Variants in NBEA observed in about 807,000 individuals in gnomAD.
NBEA encodes neurobeachin, also known as lysosomal-trafficking regulator 2.
Under a neutral mutation model 343.4 loss-of-function variants are expected in NBEA, and 44 were observed. The observed-to-expected ratio is 0.13, with a 90% confidence interval of 0.10 to 0.16. NBEA has a LOEUF of 0.16. NBEA is among the 10% of genes least tolerant of loss of function. The probability of loss-of-function intolerance (pLI) is 1.00; values close to 1 mark genes in which losing one functional copy is unlikely to be tolerated. For missense variants in NBEA, 2,555 were observed against 3,631.3 expected, an observed-to-expected ratio of 0.70 and a Z score of 7.62; for synonymous variants, 1,175 against 1,238.7, an observed-to-expected ratio of 0.95 and a Z score of 1.08.
At chr13:35,109,503 A>T in intron 12 of NBEA, 61 bp downstream of exon 12, 2 of 1,397,826 alleles carry the variant, frequency 1.4e-6, no homozygotes. Context: ...TAGTTGCTGG[A>T]TCTATAGTAT....
intron 1 of NBEA, among the ~76,000 whole-genome samples, chr13:34,981,485 C>T (rs2060353557): frequency 6.6e-6 from 1 of 152,140 alleles, no homozygotes; most frequent in South Asian, 2.1e-4. Flanking sequence ...TTTACATTGC[C>T]ACTGACAATT....
chr13:35,579,277 A>G (rs1423902429), intron 45 of NBEA, among the ~76,000 whole-genome samples: 1 of 152,050 alleles, frequency 6.6e-6, no homozygotes, highest in African/African-American at 2.4e-5. Context: ...ACATTTATTT[A>G]TTTGTATTTG....
chr13:35,002,672 A>G (rs2061181896), intron 1 of NBEA, among the ~76,000 whole-genome samples: 1 of 152,208 alleles, frequency 6.6e-6, no homozygotes, highest in South Asian at 2.1e-4. Context: ...ACTAGGCTCA[A>G]ACACATACTT....
intron 44 of NBEA, among the ~76,000 whole-genome samples, chr13:35,565,662 G>C (rs1453533598): frequency 6.6e-6 from 1 of 152,076 alleles, no homozygotes; most frequent in African/African-American, 2.4e-5. Context: ...GTTTTCTTAG[G>C]ATCCTGTTTC....
rs536860585 is a variant in NBEA at position 35,558,005 on chromosome 13, G to C, written c.6922+2903G>C. Among the ~76,000 whole-genome samples the C allele has an allele frequency of 2.0e-3, 308 of 152,258 alleles. 1 individual carries two copies. Among genetic ancestry groups the C allele is most frequent in the African/African-American group, 6.9e-3 (288 of 41,554 alleles). ...TTTTAGGAGTCAGTATAGTGTTAGAGTAGAAGGGAATGCGATGTGGAGTTT... is the reference window on the plus strand; with the variant it reads ...TTTTAGGAGTCAGTATAGTGTTAGACTAGAAGGGAATGCGATGTGGAGTTT... On this transcript the variant is annotated intron_variant, in intron 44 of 58. Coordinates refer to ENST00000379939, the MANE Select transcript of NBEA (RefSeq NM_001385012.1).
At position 35,160,867 on chromosome 13, in the gene NBEA, A is replaced by G. The variant is rs531708795; in HGVS notation, c.3861+835A>G. Reference sequence around the variant, plus strand: ...TTAAGAGTTGAAGAAATAAGAATACATTTACCGTTAATGACTTGGGTTTTG... The same window carrying G: ...TTAAGAGTTGAAGAAATAAGAATACGTTTACCGTTAATGACTTGGGTTTTG... On this transcript the variant is annotated intron_variant, in intron 22 of 58. Transcript: ENST00000379939. Among the ~76,000 whole-genome samples the G allele has an allele frequency of 2.0e-5, 3 of 152,272 alleles. No homozygotes were observed. The East Asian group carries it at 5.8e-4, about 29-fold the overall frequency.
At chr13:35,289,242 G>T (rs551167017) in intron 34 of NBEA, among the ~76,000 whole-genome samples, 1 of 151,864 alleles carries the variant, frequency 6.6e-6, no homozygotes, top group Admixed American at 6.6e-5. Flanking sequence ...CTGCCTTACT[G>T]TATGATGCTT....
chr13:35,670,762 C>G, intron 58 of NBEA, 139 bp from the exon 59 acceptor site: 1 of 642,718 alleles, frequency 1.6e-6, no homozygotes, highest in Non-Finnish European at 2.7e-6. Flanking sequence ...TCCATGAATA[C>G]AAAATTAAGA....
At chr13:35,635,988 T>C (rs2083675735) in intron 49 of NBEA, among the ~76,000 whole-genome samples, 2 of 152,232 alleles carry the variant, frequency 1.3e-5, no homozygotes, top group African/African-American at 2.4e-5. Context: ...GTGCTAATTA[T>C]TGATTTTCAG....
At chr13:35,091,907 A>G (rs2065100026) in intron 10 of NBEA, among the ~76,000 whole-genome samples, 1 of 152,020 alleles carries the variant, frequency 6.6e-6, no homozygotes. Flanking sequence ...GAATATGTTC[A>G]TTAATGTAGA....
chr13:35,655,093 T>A, intron 54 of NBEA, 83 bp downstream of exon 54: 1 of 1,139,158 alleles, frequency 8.8e-7, no homozygotes, highest in Non-Finnish European at 1.2e-6. Flanking sequence ...ATACTTAATG[T>A]AGGCATTTTT....
intron 33 of NBEA, among the ~76,000 whole-genome samples, chr13:35,230,925 A>G (rs1469908382): frequency 6.6e-6 from 1 of 152,054 alleles, no homozygotes; most frequent in African/African-American, 2.4e-5. Context: ...GTCTGGTTAT[A>G]CAGACTCTCC....
intron 1 of NBEA, among the ~76,000 whole-genome samples, chr13:35,002,913 C>T (rs1350467335): frequency 6.6e-6 from 1 of 152,112 alleles, no homozygotes; most frequent in Non-Finnish European, 1.5e-5. Context: ...TGAGGCAAAA[C>T]TTTGTAGCCC....
chr13:35,563,767 A>G (rs2079998327), intron 44 of NBEA, among the ~76,000 whole-genome samples: 1 of 152,014 alleles, frequency 6.6e-6, no homozygotes, highest in Non-Finnish European at 1.5e-5. Context: ...TGCAGGACAG[A>G]ATAATAGACA....
At chr13:35,103,326 G>C (rs1201461061) in intron 11 of NBEA, among the ~76,000 whole-genome samples, 1 of 151,140 alleles carries the variant, frequency 6.6e-6, no homozygotes, top group Non-Finnish European at 1.5e-5. Flanking sequence ...TTATTTCTCA[G>C]TTCTTATCTT....
intron 26 of NBEA, among the ~76,000 whole-genome samples, chr13:35,172,462 TATATA>T (rs2070541998): frequency 1.3e-5 from 2 of 151,924 alleles, no homozygotes; most frequent in African/African-American, 4.8e-5. Flanking sequence ...GAGATATATA[TATATA>T]TTTTTAAAAT....
At chr13:35,443,358 G>A (rs1016129855) in intron 39 of NBEA, among the ~76,000 whole-genome samples, 2 of 152,000 alleles carry the variant, frequency 1.3e-5, no homozygotes, top group African/African-American at 4.8e-5. Flanking sequence ...GTAAGGAATA[G>A]CATTTTTGAA....
chr13:35,224,375 A>C (rs143888649), intron 33 of NBEA, among the ~76,000 whole-genome samples: 1 of 152,142 alleles, frequency 6.6e-6, no homozygotes, highest in Non-Finnish European at 1.5e-5. Flanking sequence ...GACTCCAATC[A>C]CATTTATATA....
chr13:35,475,399 C>T (rs777268890), intron 41 of NBEA: 1 of 1,613,840 alleles, frequency 6.2e-7, no homozygotes, highest in Non-Finnish European at 8.5e-7. Flanking sequence ...GCACTTCTTT[C>T]TGCAGCCCCC....
Sources: gnomAD v4.1 joint callset for allele counts (sites outside exome capture counted in the v4.1 genomes callset) on GRCh38, gnomAD v4.1.1 for gene constraint, MANE v1.5 for transcripts, NCBI Gene and HGNC (gene_info 2026-07-23, HGNC 2026-07-21) for gene names.